SCFD2: variants seen among roughly 807,000 people sequenced by gnomAD.
The protein encoded by SCFD2 is sec1 family domain containing 2, also known as sec1 family domain-containing protein 2.
A neutral mutation model predicts 58.9 loss-of-function variants in SCFD2; 54 were observed. The observed-to-expected ratio is 0.92, with a 90% CI of 0.74 to 1.15. The LOEUF is 1.15. Ranked by LOEUF, SCFD2 falls within the 50% of genes most tolerant of loss-of-function variation. The pLI is 0.00. For missense variants in SCFD2, 805 were observed against 836.6 expected (o/e 0.96, Z 0.47); for synonymous variants, 321 against 335.9 (o/e 0.96, Z 0.49).
At chr4:52,985,574 T>C (rs1351132551) in intron 5 of SCFD2, among the ~76,000 whole-genome samples, 3 of 151,734 alleles carry the variant, frequency 2.0e-5, no homozygotes, top group Admixed American at 6.6e-5. Flanking sequence ...TATAAAACCA[T>C]GGCAGTTTTA....
At chr4:53,334,048 G>A (rs1251634898) in intron 2 of SCFD2, among the ~76,000 whole-genome samples, 1 of 152,044 alleles carries the variant, frequency 6.6e-6, no homozygotes, top group East Asian at 1.9e-4. Context: ...AAACCACAAT[G>A]AGATACCATC....
At chr4:53,307,723 T>C (rs892857612) in intron 3 of SCFD2, among the ~76,000 whole-genome samples, 4 of 152,140 alleles carry the variant, frequency 2.6e-5, no homozygotes, top group Non-Finnish European at 4.4e-5. Context: ...CCTCTGACAA[T>C]GGAGCACTAC....
chr4:53,365,332 C>G lies in SCFD2; in HGVS notation c.610G>C (p.Asp204His). Residue 204 changes from aspartate to histidine, a missense_variant, in exon 1 of 9, where the codon GAC becomes CAC. Asp to His is a moderately conservative substitution (Grantham distance 81). Transcript: ENST00000401642. This position sits in a 1 kb window ranked among gnomAD's most constrained non-coding sequence, Gnocchi z 4.3. ...KRKLGSLGDV[D>H]STTLTPELLL... is the part of the protein sequence containing the mutation. ...AGCTCTGGGGTTAGCGTAGTGGAGT[C>G]CACATCACCCAGGCTTCCCAGCTTC... 6.2e-7 allele frequency: 1 copy of G among 1,614,184 alleles called. No individual in the cohort carries two copies. Among genetic ancestry groups the G allele is most frequent in the Non-Finnish European group, 8.5e-7 (1 of 1,180,036 alleles).
At chr4:53,200,123 G>C (rs1215352317) in intron 4 of SCFD2, among the ~76,000 whole-genome samples, 1 of 152,056 alleles carries the variant, frequency 6.6e-6, no homozygotes, top group Non-Finnish European at 1.5e-5. Flanking sequence ...TTGGAGGTTA[G>C]GACTTCAGCA....
At chr4:53,034,372 G>A (rs1298898794) in intron 5 of SCFD2, among the ~76,000 whole-genome samples, 1 of 152,094 alleles carries the variant, frequency 6.6e-6, no homozygotes, top group African/African-American at 2.4e-5. Context: ...ATATCATACT[G>A]AATGGGCAAA....
At chr4:53,213,969 T>C (rs1463260682) in intron 4 of SCFD2, among the ~76,000 whole-genome samples, 1 of 152,120 alleles carries the variant, frequency 6.6e-6, no homozygotes, top group Non-Finnish European at 1.5e-5. Flanking sequence ...TCCCTGTCCC[T>C]ACAAAGGACA....
chr4:53,215,244 A>G (rs1445367341), intron 4 of SCFD2, among the ~76,000 whole-genome samples: 1 of 152,130 alleles, frequency 6.6e-6, no homozygotes, highest in Non-Finnish European at 1.5e-5. Context: ...TACCTTGGGC[A>G]ATATGGCCAT....
chr4:53,164,049 T>G (rs1726931644), intron 4 of SCFD2, among the ~76,000 whole-genome samples: 1 of 152,188 alleles, frequency 6.6e-6, no homozygotes, highest in Non-Finnish European at 1.5e-5. Context: ...CTCAAGTTCC[T>G]GGTAAAAAGC....
At chr4:53,100,942 G>A (rs13118564) in intron 5 of SCFD2, among the ~76,000 whole-genome samples, 31,597 of 151,898 alleles carry the variant, frequency 0.21, 3,613 homozygotes, top group Non-Finnish European at 0.26. Context: ...TGATGTTTTC[G>A]AATGAATCAT....
chr4:53,365,167 T>C lies in SCFD2; in HGVS notation c.775A>G (p.Arg259Gly). The change falls in exon 1 of 9, where the codon AGG becomes GGG. Residue 259 changes from arginine (R) to glycine (G), a missense_variant. Physicochemically the swap from Arg to Gly is moderately radical, Grantham distance 125. Coordinates refer to ENST00000401642, the MANE Select transcript of SCFD2 (RefSeq NM_152540.4). This position sits in a 1 kb window ranked among gnomAD's most constrained non-coding sequence, Gnocchi z 4.3. Reference sequence around the variant, plus strand: ...GCCCTGCCTGCAGCAGTCTTCTTCCTGTTCTTTGCAGGGGCATAATTGGCC... The same window carrying C: ...GCCCTGCCTGCAGCAGTCTTCTTCCCGTTCTTTGCAGGGGCATAATTGGCC... ...DLANYAPAKNRKKTAAGRASV... is the reference protein window; with the variant it reads ...DLANYAPAKNGKKTAAGRASV... 2 of 1,614,250 alleles carry C rather than the reference T, an allele frequency of 1.2e-6. No individual in the cohort carries two copies. The highest frequency in any genetic ancestry group is 1.7e-6 in the Non-Finnish European group (2 of 1,180,042).
chr4:53,317,235 C>G (rs1438962725), intron 2 of SCFD2, among the ~76,000 whole-genome samples: 1 of 152,086 alleles, frequency 6.6e-6, no homozygotes, highest in Non-Finnish European at 1.5e-5. Flanking sequence ...TTAAGTTTAT[C>G]AAGGGAACAT....
At chr4:53,159,556 A>G (rs1236249033) in intron 4 of SCFD2, among the ~76,000 whole-genome samples, 2 of 152,224 alleles carry the variant, frequency 1.3e-5, no homozygotes, top group Non-Finnish European at 2.9e-5. Context: ...GAGTAGAGGC[A>G]GTAGCAGGGA....
At chr4:53,007,468 C>G (rs1283976475) in intron 5 of SCFD2, among the ~76,000 whole-genome samples, 1 of 151,436 alleles carries the variant, frequency 6.6e-6, no homozygotes, top group African/African-American at 2.4e-5. Flanking sequence ...ATAATTGTTG[C>G]TTTGAAAATT....
chr4:53,067,237 C>T (rs1242859516), intron 5 of SCFD2, among the ~76,000 whole-genome samples: 2 of 151,970 alleles, frequency 1.3e-5, no homozygotes, highest in African/African-American at 4.8e-5. Context: ...GGATGGAGAT[C>T]TCAACCCTGT....
chr4:53,171,374 T>C (rs1029781047), intron 4 of SCFD2, among the ~76,000 whole-genome samples: 3 of 152,262 alleles, frequency 2.0e-5, no homozygotes, highest in Non-Finnish European at 2.9e-5. Context: ...AACTTGTTCA[T>C]TGTGAATTAT....
At chr4:53,265,480 C>T (rs781576066) in intron 4 of SCFD2, 1 of 152,124 alleles carries the variant, frequency 6.6e-6, no homozygotes. Context: ...AAATGCTTCA[C>T]GAATTTGCAT....
intron 8 of SCFD2, among the ~76,000 whole-genome samples, chr4:52,880,735 G>T (rs1718591062): frequency 6.6e-6 from 1 of 152,272 alleles, no homozygotes; most frequent in Non-Finnish European, 1.5e-5. Context: ...CAGTGGATGG[G>T]GGTCAACTTT....
At chr4:53,352,820 T>C in intron 1 of SCFD2, 54 bp from the exon 2 acceptor site, 3 of 1,483,852 alleles carry the variant, frequency 2.0e-6, no homozygotes, top group Non-Finnish European at 2.8e-6. Context: ...AAAAAGCAAG[T>C]TGGATAAATG....
intron 5 of SCFD2, among the ~76,000 whole-genome samples, chr4:53,085,831 T>C (rs1291863083): frequency 3.9e-5 from 6 of 152,118 alleles, no homozygotes; most frequent in Non-Finnish European, 7.4e-5. Context: ...TGGATATCCA[T>C]ATGCAGAAGA....
Sources: gnomAD v4.1 joint callset for allele counts (sites outside exome capture counted in the v4.1 genomes callset) on GRCh38, gnomAD v4.1.1 for gene constraint, Gnocchi (gnomAD v3.1) non-coding constraint, MANE v1.5 for transcripts, NCBI Gene and HGNC (gene_info 2026-07-23, HGNC 2026-07-21) for gene names.